Variants in CDKAL1 observed in about 807,000 individuals in gnomAD.
CDKAL1 encodes CDKAL1 threonylcarbamoyladenosine tRNA methylthiotransferase.
Under a neutral mutation model 68.2 loss-of-function variants are expected in CDKAL1, and 32 were observed. That is an observed-to-expected ratio of 0.47 (90% CI 0.35 to 0.63). CDKAL1 has a LOEUF of 0.63. Among genes scored for constraint, CDKAL1 ranks in the 30% least tolerant of loss-of-function variants. The pLI, the probability that CDKAL1 is intolerant of heterozygous loss-of-function variation, is 0.00. For missense variants in CDKAL1, 606 were observed against 696.7 expected (o/e 0.87, Z 1.47); for synonymous variants, 234 against 244.3 (o/e 0.96, Z 0.39).
chr6:20,693,758 A>G (rs1376760920), intron 5 of CDKAL1, among the ~76,000 whole-genome samples: 1 of 152,196 alleles, frequency 6.6e-6, no homozygotes, highest in African/African-American at 2.4e-5. Flanking sequence ...AAGCTTTCAT[A>G]AGACCTGGTT....
At chr6:20,840,645 A>G (rs1212539091) in intron 8 of CDKAL1, among the ~76,000 whole-genome samples, 1 of 152,180 alleles carries the variant, frequency 6.6e-6, no homozygotes, top group African/African-American at 2.4e-5. Flanking sequence ...ATATTCAGCT[A>G]ATTTTTCAAC....
intron 5 of CDKAL1, among the ~76,000 whole-genome samples, chr6:20,715,033 A>C (rs1772025203): frequency 6.6e-6 from 1 of 152,240 alleles, no homozygotes; most frequent in Admixed American, 6.5e-5. Context: ...ATCATCTTAC[A>C]ATTATTCATT....
chr6:21,100,101 C>G (rs1261863607), intron 12 of CDKAL1, among the ~76,000 whole-genome samples: 1 of 152,108 alleles, frequency 6.6e-6, no homozygotes, highest in East Asian at 1.9e-4. Flanking sequence ...GTGCCTGCTC[C>G]TCTACCACCC....
At chr6:21,159,388 C>T (rs1776801256) in intron 13 of CDKAL1, among the ~76,000 whole-genome samples, 1 of 152,224 alleles carries the variant, frequency 6.6e-6, no homozygotes, top group Admixed American at 6.5e-5. Context: ...CTGGTCCCTC[C>T]ATACCCATTC....
intron 14 of CDKAL1, among the ~76,000 whole-genome samples, chr6:21,200,208 G>A (rs1025644240): frequency 6.6e-6 from 1 of 152,194 alleles, no homozygotes; most frequent in Admixed American, 6.5e-5. Flanking sequence ...CCAAAGGAAG[G>A]GAAACGTTTG....
chr6:20,665,589 T>C (rs1163347679), intron 5 of CDKAL1, among the ~76,000 whole-genome samples: 1 of 152,110 alleles, frequency 6.6e-6, no homozygotes, highest in Non-Finnish European at 1.5e-5. Context: ...CTTCCTTCCA[T>C]TTTCACAGAG....
chr6:20,827,451 C>A (rs1487764390), intron 8 of CDKAL1, among the ~76,000 whole-genome samples: 2 of 152,132 alleles, frequency 1.3e-5, no homozygotes, highest in Non-Finnish European at 2.9e-5. Context: ...AGCAAAGAAA[C>A]CTTTACTTAT....
intron 15 of CDKAL1, among the ~76,000 whole-genome samples, chr6:21,201,994 GA>G (rs749148438): frequency 3.3e-5 from 5 of 151,718 alleles, no homozygotes; most frequent in Admixed American, 6.6e-5. Context: ...TTAACATATG[GA>G]AAAAAATAAC....
At chr6:20,700,896 GTT>G (rs11398905) in intron 5 of CDKAL1, among the ~76,000 whole-genome samples, 7 of 141,018 alleles carry the variant, frequency 5.0e-5, no homozygotes, top group African/African-American at 5.2e-5. Context: ...AGGTTTTTGG[GTT>G]TTTTTTTTTT....
At position 20,890,874 on chromosome 6, in the gene CDKAL1, G is replaced by A. The variant is rs533826359; in HGVS notation, c.742+44696G>A. On this transcript the variant is annotated intron_variant, in intron 9 of 15. Transcript: ENST00000274695. ...ATATAATAATAAAAACAATAGTAACGTAAGATAATACTATTGAATATTTAT... is the reference window on the plus strand; with the variant it reads ...ATATAATAATAAAAACAATAGTAACATAAGATAATACTATTGAATATTTAT... Among the ~76,000 whole-genome samples the A allele has an allele frequency of 7.3e-4, 111 of 152,248 alleles. 1 individual carries two copies. Among genetic ancestry groups the A allele is most frequent in the African/African-American group, 2.5e-3 (105 of 41,544 alleles).
intron 6 of CDKAL1, among the ~76,000 whole-genome samples, chr6:20,749,398 G>C (rs886357836): frequency 6.6e-6 from 1 of 152,174 alleles, no homozygotes; most frequent in Non-Finnish European, 1.5e-5. Flanking sequence ...CAGTCCTTGT[G>C]CTTACTCTTC....
intron 15 of CDKAL1, among the ~76,000 whole-genome samples, chr6:21,205,604 C>T (rs1041010568): frequency 5.9e-5 from 9 of 151,850 alleles, no homozygotes; most frequent in Non-Finnish European, 1.0e-4. Flanking sequence ...GATCTCGGCT[C>T]ACTGTAAGCT....
chr6:20,929,636 T>C (rs1021687114), intron 9 of CDKAL1, among the ~76,000 whole-genome samples: 1 of 152,224 alleles, frequency 6.6e-6, no homozygotes, highest in African/African-American at 2.4e-5. Flanking sequence ...TGTTGCAGTT[T>C]TGTAATGGGC....
chr6:21,206,938 T>A (rs79469854), intron 15 of CDKAL1, among the ~76,000 whole-genome samples: 1 of 151,806 alleles, frequency 6.6e-6, no homozygotes, highest in Admixed American at 6.6e-5. Flanking sequence ...TCTTTTTTTT[T>A]TCTTTTTAGA....
intron 9 of CDKAL1, among the ~76,000 whole-genome samples, chr6:20,895,827 A>T (rs552578205): frequency 6.6e-6 from 1 of 152,284 alleles, no homozygotes; most frequent in East Asian, 1.9e-4. Context: ...TTACTATGGC[A>T]ATATGCATAT....
At chr6:21,010,926 CA>C (rs1166881272) in intron 11 of CDKAL1, among the ~76,000 whole-genome samples, 1 of 149,208 alleles carries the variant, frequency 6.7e-6, no homozygotes, top group East Asian at 2.0e-4. Flanking sequence ...ACTAAAAATA[CA>C]AAAAATTAGC....
At chr6:20,691,143 G>A (rs1770852817) in intron 5 of CDKAL1, among the ~76,000 whole-genome samples, 1 of 152,186 alleles carries the variant, frequency 6.6e-6, no homozygotes, top group African/African-American at 2.4e-5. Context: ...AGGAGATTAT[G>A]TGGCTGCCAT....
chr6:20,824,649 A>G (rs748238002), intron 8 of CDKAL1, among the ~76,000 whole-genome samples: 13 of 152,178 alleles, frequency 8.5e-5, no homozygotes, highest in African/African-American at 2.2e-4. Context: ...TTCTAGCTAG[A>G]TGGATGTTAT....
At chr6:20,953,215 C>T (rs1184388561) in intron 9 of CDKAL1, among the ~76,000 whole-genome samples, 1 of 152,142 alleles carries the variant, frequency 6.6e-6, no homozygotes, top group African/African-American at 2.4e-5. Flanking sequence ...GGTTTCAGCC[C>T]ACCAGGGGGC....
Sources: gnomAD v4.1 joint callset for allele counts (sites outside exome capture counted in the v4.1 genomes callset) on GRCh38, gnomAD v4.1.1 for gene constraint, MANE v1.5 for transcripts, NCBI Gene and HGNC (gene_info 2026-07-23, HGNC 2026-07-21) for gene names.